SEL1L3: variants seen among roughly 807,000 people sequenced by gnomAD.
The protein encoded by SEL1L3 is protein sel-1 homolog 3.
Under a neutral mutation model 142.8 loss-of-function variants are expected in SEL1L3, and 76 were observed. The ratio of observed to expected loss-of-function variants is 0.53; its 90% confidence interval spans 0.44 to 0.64. The LOEUF (loss-of-function observed/expected upper bound fraction) is 0.64. Ranked by LOEUF, SEL1L3 falls within the 30% of genes least tolerant of loss-of-function variation. The pLI is 0.00. For missense variants in SEL1L3, 1,262 were observed against 1,381.7 expected (o/e 0.91, Z 1.37); for synonymous variants, 504 against 519.6 (o/e 0.97, Z 0.41).
chr4:25,783,103 A>G (rs897443919), intron 14 of SEL1L3, among the ~76,000 whole-genome samples: 1 of 152,368 alleles, frequency 6.6e-6, no homozygotes, highest in African/African-American at 2.4e-5. Flanking sequence ...TTAGACATCA[A>G]TTCACTACTA....
chr4:25,764,868 C>T (rs781086069), intron 20 of SEL1L3, among the ~76,000 whole-genome samples: 2 of 152,144 alleles, frequency 1.3e-5, no homozygotes, highest in Non-Finnish European at 2.9e-5. Flanking sequence ...TTAGTGTCCT[C>T]ATAGAGTTGT....
rs1468228209 is a variant in SEL1L3, at chr4:25,760,677, G to A, written c.2956-1609C>T. Among the ~76,000 whole-genome samples, 2 of 152,002 alleles carry A rather than the reference G, an allele frequency of 1.3e-5. 1 individual carries two copies. The highest frequency in any genetic ancestry group is 3.9e-4 in the East Asian group (2 of 5,188). On this transcript the variant is annotated intron_variant, in intron 20 of 23. Transcript: ENST00000399878. The stretch of plus-strand genomic sequence containing the variant: ...ATCTAATGGCTTATATCTTCCCTCT[G>A]ACCTTGCCTCTGACCGCAATCTAAA...
chr4:25,854,505 T>C lies in SEL1L3; in HGVS notation c.163-6641A>G, dbSNP rs548126528. Among the ~76,000 whole-genome samples, 8 of 152,324 alleles carry C rather than the reference T, an allele frequency of 5.3e-5. No homozygotes were observed. In the East Asian group the frequency reaches 1.5e-3, roughly 29 times the overall value. On this transcript the variant is annotated intron_variant, in intron 1 of 23. Coordinates refer to ENST00000399878, the MANE Select transcript of SEL1L3 (RefSeq NM_015187.5). Reference sequence around the variant, plus strand: ...GTTGGCCAGGCTGCTCTCGAACTTCTGACCTCAGGTGATCCACCCACCTCG... The same window carrying C: ...GTTGGCCAGGCTGCTCTCGAACTTCCGACCTCAGGTGATCCACCCACCTCG...
chr4:25,785,525 A>G (rs773523795), intron 13 of SEL1L3, among the ~76,000 whole-genome samples: 8 of 152,222 alleles, frequency 5.3e-5, no homozygotes, highest in Admixed American at 1.3e-4. Flanking sequence ...AGGACCCCAA[A>G]TAAAACTGAA....
the SEL1L3 span, chr4:25,718,210 A>G: frequency 0.76 from 115,273 of 152,140 alleles, 44,248 homozygotes; most frequent in African/African-American, 0.86. Flanking sequence ...AGTGTCCCTC[A>G]TTGTGTCTTG....
chr4:25,800,567 CAT>C (rs1713104210), intron 11 of SEL1L3, among the ~76,000 whole-genome samples: 1 of 152,194 alleles, frequency 6.6e-6, no homozygotes, highest in South Asian at 2.1e-4. Flanking sequence ...AAAAGTATAA[CAT>C]ATACATGTAG....
chr4:25,726,117 G>A, the SEL1L3 span, among the ~76,000 whole-genome samples: 5 of 151,952 alleles, frequency 3.3e-5, no homozygotes, highest in Non-Finnish European at 1.5e-5. Flanking sequence ...AAAGTACCAG[G>A]TCAGAGTATC....
intron 1 of SEL1L3, among the ~76,000 whole-genome samples, chr4:25,857,448 T>G (rs762834821): frequency 1.4e-4 from 21 of 152,224 alleles, no homozygotes; most frequent in Non-Finnish European, 2.2e-4. Flanking sequence ...GTACCTACTG[T>G]GTACTGAGCA....
chr4:25,806,176 C>A (rs927014313), intron 9 of SEL1L3, among the ~76,000 whole-genome samples: 1 of 151,532 alleles, frequency 6.6e-6, no homozygotes, highest in Non-Finnish European at 1.5e-5. Flanking sequence ...GTAGCTGGGA[C>A]TACAGGCGCC....
chr4:25,789,735 C>T (rs1480009274), intron 12 of SEL1L3, among the ~76,000 whole-genome samples: 2 of 152,140 alleles, frequency 1.3e-5, no homozygotes, highest in Non-Finnish European at 2.9e-5. Context: ...ACAGGGAGCA[C>T]TAAGCCAAAA....
chr4:25,798,988 C>T (rs1393339453), intron 11 of SEL1L3, among the ~76,000 whole-genome samples: 3 of 152,152 alleles, frequency 2.0e-5, no homozygotes, highest in Non-Finnish European at 4.4e-5. Context: ...TTGATGTCTT[C>T]TGAGACCCCC....
intron 23 of SEL1L3, among the ~76,000 whole-genome samples, chr4:25,753,551 G>T (rs967343889): frequency 2.0e-5 from 3 of 152,240 alleles, no homozygotes; most frequent in Non-Finnish European, 2.9e-5. Context: ...GCTCACTGGG[G>T]AGACACCAAA....
intron 17 of SEL1L3, among the ~76,000 whole-genome samples, chr4:25,774,724 G>A (rs1472243882): frequency 6.6e-6 from 1 of 152,186 alleles, no homozygotes; most frequent in Non-Finnish European, 1.5e-5. Flanking sequence ...TGGGCGTGGT[G>A]GTGGGCACCT....
chr4:25,862,946 G>T lies in SEL1L3; in HGVS notation c.-110C>A, dbSNP rs1374732876. The T allele has an allele frequency of 9.3e-6, 7 of 755,066 alleles. No individual in the cohort carries two copies. The East Asian group carries it at 9.8e-4, about 105-fold the overall frequency. The allele number at this position is 755,066 out of a possible 1,614,324, so 46.8% of individuals were successfully genotyped here. ...CCCGGCCGGGCCGGCCGCCGCGCGC[G>T]GGGCCACCTGCCGCCACCTCCGGAC... On this transcript the variant is annotated 5_prime_UTR_variant, in exon 1 of 24. Coordinates refer to ENST00000399878, the MANE Select transcript of SEL1L3 (RefSeq NM_015187.5).
chr4:25,844,558 C>G (rs752597114), intron 2 of SEL1L3, among the ~76,000 whole-genome samples: 1 of 152,152 alleles, frequency 6.6e-6, no homozygotes, highest in African/African-American at 2.4e-5. Flanking sequence ...AAGGAAAAGA[C>G]GTTTCACATT....
chr4:25,821,949 A>G, intron 7 of SEL1L3, 47 bp downstream of exon 7: 6 of 1,593,144 alleles, frequency 3.8e-6, no homozygotes, highest in Non-Finnish European at 5.1e-6. Context: ...TGAGGCCCAC[A>G]CCCATCACCC....
rs74964710 is a variant in SEL1L3, at chr4:25,820,564, C to T, written c.1291-624G>A. ...TGTGCTTCAAAATAGAGGCTGGGAC[C>T]CATTAGAGGGTCACACAGTTATTTC... On this transcript the variant is annotated intron_variant, in intron 7 of 23. Transcript: ENST00000399878. 1.9e-3 allele frequency among the ~76,000 whole-genome samples: 282 copies of T among 152,304 alleles called. 1 individual carries two copies. Among genetic ancestry groups the T allele is most frequent in the African/African-American group, 6.5e-3 (269 of 41,568 alleles).
chr4:25,738,232 T>A, the SEL1L3 span, among the ~76,000 whole-genome samples: 1 of 152,196 alleles, frequency 6.6e-6, no homozygotes, highest in African/African-American at 2.4e-5. Flanking sequence ...GCTGGTTGAG[T>A]CCAGAGATGC....
intron 1 of SEL1L3, among the ~76,000 whole-genome samples, chr4:25,851,993 C>A (rs1716936965): frequency 6.6e-6 from 1 of 151,854 alleles, no homozygotes; most frequent in Non-Finnish European, 1.5e-5. Context: ...CATGGGCAAC[C>A]TGTGGGAAGA....
Sources: allele counts gnomAD v4.1 joint callset (sites outside exome capture counted in the v4.1 genomes callset), GRCh38; gene constraint gnomAD v4.1.1; transcripts MANE v1.5; gene names NCBI Gene and HGNC (gene_info 2026-07-23, HGNC 2026-07-21).